Variants in DAB1 observed in about 807,000 individuals in gnomAD.
DAB1 encodes the protein DAB adaptor protein 1.
Under a neutral mutation model 64.6 loss-of-function variants are expected in DAB1, and 15 were observed. The ratio of observed to expected loss-of-function variants is 0.23; its 90% CI spans 0.16 to 0.36. The LOEUF (loss-of-function observed/expected upper bound fraction) is 0.36. DAB1 is among the 10% of genes least tolerant of loss of function. The pLI, the probability that DAB1 is intolerant of heterozygous loss-of-function variation, is 1.00. For synonymous variants in DAB1, 235 were observed against 251.9 expected (o/e 0.93, Z 0.64); for missense variants, 596 against 706.7 (o/e 0.84, Z 1.78).
chr1:57,879,092 A>C (rs1644101559), intron 1 of DAB1, among the ~76,000 whole-genome samples: 1 of 151,992 alleles, frequency 6.6e-6, no homozygotes, highest in South Asian at 2.1e-4. Context: ...ACTTAGGTTG[A>C]TTCTGTCTTG....
intron 4 of DAB1, among the ~76,000 whole-genome samples, chr1:58,223,824 C>G (rs930971649): frequency 2.6e-5 from 4 of 152,196 alleles, no homozygotes; most frequent in Non-Finnish European, 4.4e-5. Context: ...TATAAGGCAT[C>G]CAGATGCTGG....
At chr1:57,717,857 G>T (rs1647103077) in intron 6 of DAB1, among the ~76,000 whole-genome samples, 1 of 151,886 alleles carries the variant, frequency 6.6e-6, no homozygotes, top group African/African-American at 2.4e-5. Flanking sequence ...TTATGAGTTG[G>T]GAAATAACTC....
At chr1:58,367,311 C>T (rs1644225574) in intron 3 of DAB1, among the ~76,000 whole-genome samples, 1 of 152,204 alleles carries the variant, frequency 6.6e-6, no homozygotes, top group Non-Finnish European at 1.5e-5. Flanking sequence ...TATCAATGCT[C>T]ACAAGAAAAT....
At chr1:58,193,132 G>A (rs1367271306) in intron 4 of DAB1, among the ~76,000 whole-genome samples, 3 of 152,178 alleles carry the variant, frequency 2.0e-5, no homozygotes, top group African/African-American at 7.2e-5. Flanking sequence ...TTTGGGTCGT[G>A]CGGGAAGATC....
At chr1:57,025,746 T>C (rs1303195296) in intron 10 of DAB1, among the ~76,000 whole-genome samples, 1 of 152,216 alleles carries the variant, frequency 6.6e-6, no homozygotes, top group African/African-American at 2.4e-5. Flanking sequence ...GCTAAATGCA[T>C]GGTCTCGTTT....
At chr1:57,849,041 C>A (rs1349650496) in intron 1 of DAB1, among the ~76,000 whole-genome samples, 1 of 152,158 alleles carries the variant, frequency 6.6e-6, no homozygotes, top group Admixed American at 6.5e-5. Context: ...CTGTAATATT[C>A]CAAGTGTGGG....
intron 1 of DAB1, among the ~76,000 whole-genome samples, chr1:57,416,499 G>A (rs1684505983): frequency 6.6e-6 from 1 of 152,134 alleles, no homozygotes; most frequent in South Asian, 2.1e-4. Context: ...TAGCTCTAGT[G>A]AATCGACTGT....
chr1:57,627,735 AC>A (rs1645940132), intron 7 of DAB1, among the ~76,000 whole-genome samples: 1 of 152,156 alleles, frequency 6.6e-6, no homozygotes, highest in Non-Finnish European at 1.5e-5. Flanking sequence ...CCAAAACCTG[AC>A]TCCATAGCCC....
At chr1:57,712,678 C>T (rs4912276) in intron 6 of DAB1, among the ~76,000 whole-genome samples, 8 of 151,858 alleles carry the variant, frequency 5.3e-5, no homozygotes, top group South Asian at 4.2e-4. Context: ...GGGCTGCTCA[C>T]GAGAGTGTGT....
chr1:58,342,090 A>G (rs1034848135), intron 4 of DAB1, among the ~76,000 whole-genome samples: 1 of 152,246 alleles, frequency 6.6e-6, no homozygotes. Context: ...ATGATCTGCA[A>G]GATGACTGCC....
chr1:57,607,489 A>G (rs1645671604), intron 7 of DAB1, among the ~76,000 whole-genome samples: 1 of 152,112 alleles, frequency 6.6e-6, no homozygotes, highest in South Asian at 2.1e-4. Flanking sequence ...GTCATGTGAA[A>G]TCTTTTGAAT....
intron 4 of DAB1, among the ~76,000 whole-genome samples, chr1:58,246,109 A>C (rs189265312): frequency 1.5e-5 from 2 of 131,494 alleles, no homozygotes; most frequent in Non-Finnish European, 3.2e-5. Context: ...TCTAAAAAAA[A>C]AGTTTGTATC....
intron 5 of DAB1, among the ~76,000 whole-genome samples, chr1:58,117,917 C>T (rs767667874): frequency 2.0e-5 from 3 of 149,488 alleles, no homozygotes; most frequent in Admixed American, 6.7e-5. Context: ...TTTCTTGGGG[C>T]GGGGGACAAG....
intron 7 of DAB1, among the ~76,000 whole-genome samples, chr1:57,500,937 T>G (rs2101314348): frequency 6.6e-6 from 1 of 152,336 alleles, no homozygotes; most frequent in African/African-American, 2.4e-5. Context: ...TGAAAGGAAA[T>G]AATGCTTTAG....
chr1:57,339,264 T>G (rs987871597), intron 1 of DAB1, among the ~76,000 whole-genome samples: 2 of 152,048 alleles, frequency 1.3e-5, no homozygotes, highest in Non-Finnish European at 2.9e-5. Context: ...CATGCCATTC[T>G]CCTGCCTCGG....
intron 4 of DAB1, among the ~76,000 whole-genome samples, chr1:57,088,069 T>C (rs1653264350): frequency 6.6e-6 from 1 of 152,212 alleles, no homozygotes; most frequent in Admixed American, 6.5e-5. Flanking sequence ...GTTTCTTTTT[T>C]TGTTTTGTTT....
intron 9 of DAB1, among the ~76,000 whole-genome samples, chr1:57,059,253 A>G (rs1650141126): frequency 6.6e-6 from 1 of 152,174 alleles, no homozygotes; most frequent in African/African-American, 2.4e-5. Context: ...AACATAGAGG[A>G]TCAGAGATGC....
At position 57,022,632 on chromosome 1, in the gene DAB1, A is replaced by C. The variant is rs190622721; in HGVS notation, c.895+899T>G. Among the ~76,000 whole-genome samples, 429 of 152,374 alleles carry C rather than the reference A, an allele frequency of 2.8e-3. 1 individual carries two copies. The highest frequency in any genetic ancestry group is 4.7e-3 in the Non-Finnish European group (323 of 68,042). On this transcript the variant is annotated intron_variant, in intron 11 of 14. Transcript: ENST00000371236. ...TTGGTGGCAAGAATTTGCTTCTAAC[A>C]GTATGTAATTAAAAGTAATTATAGA...
intron 1 of DAB1, among the ~76,000 whole-genome samples, chr1:57,835,629 T>A (rs1652777697): frequency 6.6e-6 from 1 of 152,130 alleles, no homozygotes; most frequent in Admixed American, 6.5e-5. Flanking sequence ...ATCATTACTG[T>A]CTCGTCAGAT....
Sources: allele counts gnomAD v4.1 joint callset (sites outside exome capture counted in the v4.1 genomes callset), GRCh38; gene constraint gnomAD v4.1.1; transcripts MANE v1.5; gene names NCBI Gene and HGNC (gene_info 2026-07-23, HGNC 2026-07-21).